The following PPP1R13B variants were observed in gnomAD, a reference collection of about 807,000 sequenced individuals.
PPP1R13B encodes protein phosphatase 1 regulatory subunit 13B.
In PPP1R13B, 44 loss-of-function variants were observed where a neutral mutation model predicts 119.8. The observed-to-expected ratio is 0.37, with a 90% CI of 0.29 to 0.47. The LOEUF is 0.47. Among genes scored for constraint, PPP1R13B ranks in the 20% least tolerant of loss-of-function variants. PPP1R13B has a pLI of 0.99. For synonymous variants in PPP1R13B, 542 were observed against 561.5 expected (o/e 0.97, Z 0.49); for missense variants, 1,227 against 1,413.5 (o/e 0.87, Z 2.12).
Position 103,733,242 on chromosome 14 carries a change from CAATA to C in PPP1R13B, c.*1908_*1911del. 1 of 591,422 alleles carries C rather than the reference CAATA, an allele frequency of 1.7e-6. No homozygotes were observed. Among genetic ancestry groups the C allele is most frequent in the Non-Finnish European group, 2.9e-6 (1 of 341,284 alleles). The allele number at this position is 591,422 out of a possible 1,614,324, so 36.6% of individuals were successfully genotyped here. ...TCATGTTTTAGAATTTGTGTATTGT[CAATA>C]CTTAATTGGGGGTGGGAGAGACTGA... On this transcript the variant is annotated 3_prime_UTR_variant, in exon 17 of 17. Coordinates refer to ENST00000202556, the MANE Select transcript of PPP1R13B (RefSeq NM_015316.3).
rs1251416918 is a variant in PPP1R13B at position 103,734,059 on chromosome 14, T to C, written c.*1095A>G. On this transcript the variant is annotated 3_prime_UTR_variant, in exon 17 of 17. Coordinates refer to ENST00000202556, the MANE Select transcript of PPP1R13B (RefSeq NM_015316.3). ...TGAATGGTCTAGTCAAAAAATACTT[T>C]TGGTATATAAAAAGCCTGTACGTAC... 2 of 161,302 alleles carry C rather than the reference T, an allele frequency of 1.2e-5. No individual in the cohort carries two copies. The highest frequency in any genetic ancestry group is 4.8e-5 in the African/African-American group (2 of 41,702). 10.0% of individuals were successfully genotyped at this position (161,302 alleles called of 1,614,324 possible). A position where few individuals can be genotyped will look rare whatever the true frequency, so the allele number is the denominator to read the frequency against.
rs202053179 is a variant in PPP1R13B at position 103,757,644 on chromosome 14, A to G, written c.456+6T>C. Reference sequence around the variant, plus strand: ...CAATGTTTCAATACCTCTTTTTATAACTTACCTTGGCAACCAACATCTGCT... The same window carrying G: ...CAATGTTTCAATACCTCTTTTTATAGCTTACCTTGGCAACCAACATCTGCT... On this transcript the variant is annotated splice_donor_region_variant and intron_variant, in intron 5 of 16. Transcript: ENST00000202556. 1,757 of 1,612,938 alleles carry G rather than the reference A, an allele frequency of 1.1e-3. 5 individuals are homozygous for G. The highest frequency in any genetic ancestry group is 1.3e-3 in the Non-Finnish European group (1,585 of 1,179,242).
chr14:103,762,004 G>A (rs536125282), intron 4 of PPP1R13B, among the ~76,000 whole-genome samples: 15 of 152,280 alleles, frequency 9.9e-5, no homozygotes, highest in African/African-American at 2.6e-4. Context: ...GAGCATCTTC[G>A]ACGCCTGTTT....
At chr14:103,763,160 G>C (rs1284582018) in intron 4 of PPP1R13B, 1 of 609,326 alleles carries the variant, frequency 1.6e-6, no homozygotes, top group Non-Finnish European at 3.0e-6. Flanking sequence ...GGGATAATGA[G>C]ATGGACCCGG....
chr14:103,833,937 T>A (rs948981923), intron 1 of PPP1R13B, among the ~76,000 whole-genome samples: 3 of 152,186 alleles, frequency 2.0e-5, no homozygotes, highest in African/African-American at 7.2e-5. Flanking sequence ...GCATGCTGAG[T>A]TCCTTCAGTA....
chr14:103,742,777 G>C lies in PPP1R13B; in HGVS notation c.1197C>G (p.Ser399=), dbSNP rs892284404. The change falls in exon 10 of 17, where the codon TCC becomes TCG. Residue 399 remains serine, a synonymous_variant. Coordinates refer to ENST00000202556, the MANE Select transcript of PPP1R13B (RefSeq NM_015316.3). The surrounding 1 kb of genome is among the most constrained non-coding windows in gnomAD (Gnocchi z 4.9). ...CACCGGCCACCTGCACTGGTTTCAC[G>C]GAAGAGCTAGAATTCTGTTTTAATG... The part of the protein sequence containing the change: ...WPTLKQNSSS[S]VKPVQVAGAD... 20 of 1,614,018 alleles carry C rather than the reference G, an allele frequency of 1.2e-5. No homozygotes were observed. The highest frequency in any genetic ancestry group is 1.7e-5 in the Non-Finnish European group (20 of 1,180,048).
intron 1 of PPP1R13B, among the ~76,000 whole-genome samples, chr14:103,802,268 C>T (rs1397682770): frequency 6.6e-6 from 1 of 152,088 alleles, no homozygotes; most frequent in African/African-American, 2.4e-5. Context: ...AAGATAGCAC[C>T]ACTGCAGTCA....
chr14:103,809,160 C>T (rs1346697100), intron 1 of PPP1R13B, among the ~76,000 whole-genome samples: 2 of 152,076 alleles, frequency 1.3e-5, no homozygotes, highest in African/African-American at 4.8e-5. Flanking sequence ...TCAGCCTAGA[C>T]ATATTTAAAT....
In PPP1R13B at chr14:103,762,913, A is replaced by T; in HGVS notation, c.355-5162T>A. The T allele has an allele frequency of 7.4e-6, 7 of 945,060 alleles. No homozygotes were observed. In the East Asian group the frequency reaches 1.8e-4, roughly 24 times the overall value. 58.5% of individuals were successfully genotyped at this position (945,060 alleles called of 1,614,324 possible). A position where few individuals can be genotyped will look rare whatever the true frequency, so the allele number is the denominator to read the frequency against. ...AATCAGAGCAAATTTCCATCAGGAC[A>T]AACAGCCTTGTTGCTGTCCCCGTCT... is the stretch of plus-strand genomic sequence containing the variant. On this transcript the variant is annotated intron_variant, in intron 4 of 16. Coordinates refer to ENST00000202556, the MANE Select transcript of PPP1R13B (RefSeq NM_015316.3).
Position 103,833,565 on chromosome 14 carries a change from C to T in PPP1R13B, c.9+13734G>A, listed in dbSNP as rs142951982. 5.6e-3 allele frequency among the ~76,000 whole-genome samples: 857 copies of T among 152,186 alleles called. 8 individuals carry two copies. Among genetic ancestry groups the T allele is most frequent in the African/African-American group, 0.02 (814 of 41,508 alleles). On this transcript the variant is annotated intron_variant, in intron 1 of 16. Transcript: ENST00000202556. ...AGCTGAGGCATGAGAATCACTTGAACCTGGGAGGCGGAGGTTACAGTGAGA... is the reference window on the plus strand; with the variant it reads ...AGCTGAGGCATGAGAATCACTTGAATCTGGGAGGCGGAGGTTACAGTGAGA...
chr14:103,800,975 C>T (rs1290389217), intron 1 of PPP1R13B, among the ~76,000 whole-genome samples: 3 of 151,988 alleles, frequency 2.0e-5, no homozygotes, highest in Non-Finnish European at 4.4e-5. Context: ...CTCAGCCTCC[C>T]GAGTAGCTGG....
At chr14:103,809,538 T>C (rs995571397) in intron 1 of PPP1R13B, among the ~76,000 whole-genome samples, 9 of 151,924 alleles carry the variant, frequency 5.9e-5, no homozygotes, top group African/African-American at 2.2e-4. Flanking sequence ...TACTCTAGAA[T>C]AGGTTGGGTG....
intron 1 of PPP1R13B, among the ~76,000 whole-genome samples, chr14:103,820,874 T>C (rs1019396378): frequency 6.6e-6 from 1 of 152,090 alleles, no homozygotes; most frequent in Non-Finnish European, 1.5e-5. Context: ...TCAATTTTTT[T>C]CTATAGTCAC....
chr14:103,829,310 ATT>A (rs539114200), intron 1 of PPP1R13B, among the ~76,000 whole-genome samples: 1 of 152,212 alleles, frequency 6.6e-6, no homozygotes, highest in Non-Finnish European at 1.5e-5. Flanking sequence ...ACACTTCAAC[ATT>A]TTTTTCTTCA....
intron 15 of PPP1R13B, chr14:103,736,896 T>C (rs2084127805): frequency 6.5e-6 from 1 of 152,840 alleles, no homozygotes. Context: ...TAGTATGTTC[T>C]CAAGTAATGT....
intron 1 of PPP1R13B, among the ~76,000 whole-genome samples, chr14:103,820,002 C>A (rs2086369312): frequency 5.3e-5 from 8 of 152,204 alleles, no homozygotes; most frequent in Admixed American, 5.2e-4. Context: ...CCTAAGCCTG[C>A]ACTTATTCCA....
At chr14:103,807,027 C>A (rs1037788725) in intron 1 of PPP1R13B, among the ~76,000 whole-genome samples, 4 of 152,180 alleles carry the variant, frequency 2.6e-5, no homozygotes, top group Admixed American at 6.5e-5. Context: ...GTCTAAGAGG[C>A]CCTGCAAGAC....
At chr14:103,799,913 C>T (rs554314406) in intron 1 of PPP1R13B, among the ~76,000 whole-genome samples, 8 of 151,718 alleles carry the variant, frequency 5.3e-5, no homozygotes, top group Admixed American at 1.3e-4. Context: ...TAGCCAGGCG[C>T]GGTGGCACGC....
intron 4 of PPP1R13B, among the ~76,000 whole-genome samples, chr14:103,768,078 G>C (rs1170842527): frequency 6.6e-6 from 1 of 150,734 alleles, no homozygotes; most frequent in Non-Finnish European, 1.5e-5. Context: ...AAAAATAATA[G>C]AGAAATTCTA....
Sources: gnomAD v4.1 joint callset for allele counts (sites outside exome capture counted in the v4.1 genomes callset) on GRCh38, gnomAD v4.1.1 for gene constraint, Gnocchi (gnomAD v3.1) non-coding constraint, MANE v1.5 for transcripts, NCBI Gene and HGNC (gene_info 2026-07-23, HGNC 2026-07-21) for gene names.